Variants in NUP210 observed in about 807,000 individuals in gnomAD.
NUP210 encodes the protein nuclear pore membrane glycoprotein 210.
A neutral mutation model predicts 196.0 loss-of-function variants in NUP210; 151 were observed. That is an observed-to-expected ratio of 0.77 (90% CI 0.67 to 0.88). NUP210 has a LOEUF of 0.88. Ranked by LOEUF, NUP210 falls within the 40% of genes least tolerant of loss-of-function variation. NUP210 has a pLI of 0.00. For synonymous variants in NUP210, 1,070 were observed against 1,052.7 expected (o/e 1.02, Z -0.32); for missense variants, 2,314 against 2,493.7 (o/e 0.93, Z 1.53).
Position 13,396,523 on chromosome 3 carries a change from G to C in NUP210, c.436+834C>G, listed in dbSNP as rs954337771. Among the ~76,000 whole-genome samples, 3 of 151,318 alleles carry C rather than the reference G, an allele frequency of 2.0e-5. No individual in the cohort carries two copies. In the East Asian group the frequency reaches 5.8e-4, roughly 29 times the overall value. ...AGCACTTTGGGAGGCTAAGCCGGGT[G>C]GATCATCTGAGGTCAGGAGTCCAAG... On this transcript the variant is annotated intron_variant, in intron 3 of 39. Coordinates refer to ENST00000254508, the MANE Select transcript of NUP210 (RefSeq NM_024923.4).
Position 13,335,552 on chromosome 3 carries a change from C to T in NUP210, c.3745G>A (p.Gly1249Ser). The change falls in exon 28 of 40, where the codon GGC becomes AGC. Residue 1249 changes from glycine (G) to serine (S), a missense_variant. By Grantham distance (56) the Gly-to-Ser change is moderately conservative. Transcript: ENST00000254508. ...FAMNVLGRVK[G>S]RTGLRVVVKA... ...ACCACCACCCTCAGCCCGGTCCGGCCTTTTACCCGGCCGAGCACGTTCATG... is the reference window on the plus strand; with the variant it reads ...ACCACCACCCTCAGCCCGGTCCGGCTTTTTACCCGGCCGAGCACGTTCATG... 1.9e-6 allele frequency: 3 copies of T among 1,614,116 alleles called. No individual in the cohort carries two copies. Among genetic ancestry groups the T allele is most frequent in the Non-Finnish European group, 1.7e-6 (2 of 1,180,050 alleles).
At chr3:13,403,406 A>T (rs1283177761) in intron 1 of NUP210, among the ~76,000 whole-genome samples, 1 of 152,166 alleles carries the variant, frequency 6.6e-6, no homozygotes, top group Non-Finnish European at 1.5e-5. Context: ...AAGGGCACTA[A>T]TCCCAACCAT....
Position 13,327,417 on chromosome 3 carries a change from C to T in NUP210, c.4307G>A (p.Gly1436Glu). 1 of 1,612,058 alleles carries T rather than the reference C, an allele frequency of 6.2e-7. No individual in the cohort carries two copies. Among genetic ancestry groups the T allele is most frequent in the Non-Finnish European group, 8.5e-7 (1 of 1,179,272 alleles). Residue 1436 changes from glycine to glutamate, a missense_variant, in exon 32 of 40, where the codon GGG (glycine) becomes GAG (glutamate). Physicochemically the swap from Gly to Glu is moderately conservative, Grantham distance 98. Transcript: ENST00000254508. The stretch of plus-strand genomic sequence containing the variant: ...GCAGGTGTTGTTGGTGGGGCCCTTC[C>T]CGATCTGCACAAAGTCGTCTCTAGG... ...ATNRDDFVQI[G>E]KGPTNNTCVV...
intron 26 of NUP210, 25 bp from the exon 27 acceptor site, chr3:13,336,943 T>C (rs1193353124): frequency 6.2e-7 from 1 of 1,612,056 alleles, no homozygotes; most frequent in Admixed American, 1.7e-5. Context: ...TCAGGCCCAG[T>C]GAGCAGTAGC....
Position 13,386,898 on chromosome 3 carries a change from C to A in NUP210, c.685-491G>T, listed in dbSNP as rs540380326. 6.6e-4 allele frequency among the ~76,000 whole-genome samples: 100 copies of A among 152,318 alleles called. No homozygotes were observed. The South Asian group carries it at 0.02, about 31-fold the overall frequency. Reference sequence around the variant, plus strand: ...TCACCCCCGACCTGTGACCTCCTGCCTCCTCAGGAAAACCCGTGGGCAACT... The same window carrying A: ...TCACCCCCGACCTGTGACCTCCTGCATCCTCAGGAAAACCCGTGGGCAACT... On this transcript the variant is annotated intron_variant, in intron 5 of 39. Coordinates refer to ENST00000254508, the MANE Select transcript of NUP210 (RefSeq NM_024923.4).
At chr3:13,327,155 C>T in intron 32 of NUP210, 62 bp downstream of exon 32, 1 of 1,392,270 alleles carries the variant, frequency 7.2e-7, no homozygotes, top group East Asian at 2.4e-5. Context: ...CCCAGGTAGC[C>T]CCCACCCAGC....
chr3:13,336,303 C>T (rs1206945401), intron 27 of NUP210, among the ~76,000 whole-genome samples: 1 of 152,202 alleles, frequency 6.6e-6, no homozygotes, highest in African/African-American at 2.4e-5. Context: ...TACCATTTCC[C>T]CACTGGCTTG....
At chr3:13,386,648 G>A (rs547642647) in intron 5 of NUP210, among the ~76,000 whole-genome samples, 5 of 152,220 alleles carry the variant, frequency 3.3e-5, no homozygotes, top group African/African-American at 1.2e-4. Flanking sequence ...ACTGCCCATT[G>A]TGCATGGTTT....
intron 10 of NUP210, 52 bp downstream of exon 10, chr3:13,376,239 C>T (rs1698898641): frequency 1.9e-6 from 3 of 1,601,540 alleles, no homozygotes; most frequent in Non-Finnish European, 2.6e-6. Flanking sequence ...TTTCTGCCTA[C>T]AGAGGGTGGC....
intron 12 of NUP210, among the ~76,000 whole-genome samples, chr3:13,373,292 G>T (rs914546129): frequency 8.5e-5 from 13 of 152,226 alleles, no homozygotes; most frequent in Non-Finnish European, 1.6e-4. Context: ...GGGGACCTGT[G>T]CAGGGAACAC....
rs148427579 is a variant in NUP210 at position 13,335,642 on chromosome 3, G to A, written c.3685-30C>T. The A allele has an allele frequency of 1.5e-3, 2,401 of 1,610,772 alleles. 40 individuals are homozygous for A. In the African/African-American group the frequency reaches 0.028, roughly 19 times the overall value. ...GAAGACATCAAACACGTTTTCAGGGGTAAGGCCCAGGCCCCTGTGTCCTCA... is the reference window on the plus strand; with the variant it reads ...GAAGACATCAAACACGTTTTCAGGGATAAGGCCCAGGCCCCTGTGTCCTCA... On this transcript the variant is annotated intron_variant, in intron 27 of 39. Coordinates refer to ENST00000254508, the MANE Select transcript of NUP210 (RefSeq NM_024923.4).
chr3:13,331,379 G>C (rs539781097), intron 29 of NUP210, among the ~76,000 whole-genome samples: 93 of 152,246 alleles, frequency 6.1e-4, no homozygotes, highest in African/African-American at 2.2e-3. Context: ...CAGCCCTATA[G>C]ATGACTAGGA....
At chr3:13,408,653 T>C (rs959631925) in intron 1 of NUP210, among the ~76,000 whole-genome samples, 2 of 152,082 alleles carry the variant, frequency 1.3e-5, no homozygotes, top group African/African-American at 4.8e-5. Flanking sequence ...CCAGGCATCA[T>C]GGCGTGCACC....
intron 6 of NUP210, among the ~76,000 whole-genome samples, chr3:13,380,063 C>T (rs963692317): frequency 3.9e-5 from 6 of 152,128 alleles, no homozygotes; most frequent in African/African-American, 1.4e-4. Context: ...GTAGAGGGGG[C>T]ACTGGGGTTC....
chr3:13,372,157 G>C, intron 12 of NUP210, 125 bp from the exon 13 acceptor site: 1 of 891,676 alleles, frequency 1.1e-6, no homozygotes. Context: ...AGCCTGTCAC[G>C]GGCAGTGGGG....
In NUP210 at chr3:13,350,988, G is replaced by A. The variant is rs1165061797; in HGVS notation, c.2835+891C>T. 6.6e-6 allele frequency among the ~76,000 whole-genome samples: 1 copy of A among 152,002 alleles called. No individual in the cohort carries two copies. The highest frequency in any genetic ancestry group is 1.5e-5 in the Non-Finnish European group (1 of 68,014). Reference sequence around the variant, plus strand: ...GCTGGGATTACAGGCATGAGCCACCGCACCCGGCCAGAAATTCTTAAATTG... The same window carrying A: ...GCTGGGATTACAGGCATGAGCCACCACACCCGGCCAGAAATTCTTAAATTG... On this transcript the variant is annotated intron_variant, in intron 20 of 39. Coordinates refer to ENST00000254508, the MANE Select transcript of NUP210 (RefSeq NM_024923.4). This position sits in a 1 kb window ranked among gnomAD's most constrained non-coding sequence, Gnocchi z 4.1.
At chr3:13,320,693 C>G (rs900653388) in intron 36 of NUP210, among the ~76,000 whole-genome samples, 2 of 143,264 alleles carry the variant, frequency 1.4e-5, no homozygotes, top group South Asian at 4.5e-4. Flanking sequence ...GTCAGGAGAT[C>G]GAGACCATCC....
At chr3:13,362,349 C>T (rs1698398724) in intron 14 of NUP210, among the ~76,000 whole-genome samples, 1 of 152,194 alleles carries the variant, frequency 6.6e-6, no homozygotes, top group Non-Finnish European at 1.5e-5. Context: ...AGCTCCATTG[C>T]TGTGGGGGTC....
rs199705558 is a variant in NUP210 at position 13,321,883 on chromosome 3, C to G, written c.4916-48G>C. 247 of 1,578,848 alleles carry G rather than the reference C, an allele frequency of 1.6e-4. 1 individual carries two copies. The highest frequency in any genetic ancestry group is 6.8e-4 in the Admixed American group (40 of 59,160). On this transcript the variant is annotated intron_variant, in intron 35 of 39. Transcript: ENST00000254508. ...TCTTGTCCCCTCTCCTGCCCGTGCACTGATGTCATTTCTTCTCCCTGCTTC... is the reference window on the plus strand; with the variant it reads ...TCTTGTCCCCTCTCCTGCCCGTGCAGTGATGTCATTTCTTCTCCCTGCTTC...
Sources: gnomAD v4.1 joint callset for allele counts (sites outside exome capture counted in the v4.1 genomes callset) on GRCh38, gnomAD v4.1.1 for gene constraint, Gnocchi (gnomAD v3.1) non-coding constraint, MANE v1.5 for transcripts, NCBI Gene and HGNC (gene_info 2026-07-23, HGNC 2026-07-21) for gene names.